ANKRD24: variants seen among roughly 807,000 people sequenced by gnomAD.
ANKRD24 encodes the protein ankyrin repeat domain 24, also known as ankyrin repeat domain-containing protein 24.
Under a neutral mutation model 127.8 loss-of-function variants are expected in ANKRD24, and 109 were observed. The ratio of observed to expected loss-of-function variants is 0.85; its 90% CI spans 0.73 to 1.00. ANKRD24 has a LOEUF of 1.00. Among genes scored for constraint, ANKRD24 ranks in the 50% least tolerant of loss-of-function variants. ANKRD24 has a pLI of 0.00. For missense variants in ANKRD24, 1,648 were observed against 1,570.2 expected (o/e 1.05, Z -0.84); for synonymous variants, 743 against 671.1 (o/e 1.11, Z -1.66).
intron 20 of ANKRD24, 63 bp from the exon 21 acceptor site, chr19:4,224,064 G>T: frequency 1.4e-6 from 2 of 1,409,516 alleles, no homozygotes; most frequent in Non-Finnish European, 9.8e-7. Flanking sequence ...GTGCTTTTTG[G>T]TGTGTTTTGC....
chr19:4,206,015 G>A (rs1384950636), intron 7 of ANKRD24, among the ~76,000 whole-genome samples: 36 of 151,574 alleles, frequency 2.4e-4, no homozygotes, highest in Admixed American at 6.6e-5. Flanking sequence ...GGTGGCGGGC[G>A]CCTGTAGTCC....
At chr19:4,215,272 G>A (rs956550413) in intron 15 of ANKRD24, among the ~76,000 whole-genome samples, 4 of 152,078 alleles carry the variant, frequency 2.6e-5, no homozygotes, top group Non-Finnish European at 5.9e-5. Context: ...GATCACCTGA[G>A]GTCAGGAGTC....
At chr19:4,204,805 G>A (rs1166683013) in intron 7 of ANKRD24, among the ~76,000 whole-genome samples, 1 of 152,176 alleles carries the variant, frequency 6.6e-6, no homozygotes, top group Non-Finnish European at 1.5e-5. Flanking sequence ...AATGCTTCTG[G>A]TCACAATATA....
At chr19:4,220,967 G>A (rs1970409590) in intron 19 of ANKRD24, among the ~76,000 whole-genome samples, 1 of 151,470 alleles carries the variant, frequency 6.6e-6, no homozygotes, top group Non-Finnish European at 1.5e-5. Flanking sequence ...TGCAATCTCA[G>A]ATCATTGCAG....
chr19:4,195,626 A>G lies in ANKRD24; in HGVS notation c.37-4057A>G, dbSNP rs1228877479. 6.6e-6 allele frequency among the ~76,000 whole-genome samples: 1 copy of G among 152,094 alleles called. No individual in the cohort carries two copies. Among genetic ancestry groups the G allele is most frequent in the Non-Finnish European group, 1.5e-5 (1 of 68,022 alleles). ...AAACATGTCTAAGAGGGCCGGGCGC[A>G]GTGGCTCACGCCTGTAATCCCAACA... On this transcript the variant is annotated intron_variant, in intron 2 of 21. Coordinates refer to ENST00000318934, the MANE Select transcript of ANKRD24 (RefSeq NM_001393985.1). This position sits in a 1 kb window ranked among gnomAD's most constrained non-coding sequence, Gnocchi z 4.2.
In ANKRD24 at chr19:4,199,959, C is replaced by T. The variant is rs1268839229; in HGVS notation, c.208C>T (p.Arg70Cys). ...DAPRVAALIA[R>C]KGLVPTKLDP... is the part of the protein sequence containing the mutation. ...ACCTCGGGTGGCCGCCCTCATCGCC[C>T]GCAAGGGGCTGGTGCCCACGAAGCT... The change falls in exon 4 of 22, where the codon CGC becomes TGC. Residue 70 changes from arginine to cysteine, a missense_variant. Transcript: ENST00000318934. This position sits in a 1 kb window ranked among gnomAD's most constrained non-coding sequence, Gnocchi z 5.2. 8.9e-6 allele frequency: 14 copies of T among 1,564,636 alleles called. No individual in the cohort carries two copies. The highest frequency in any genetic ancestry group is 1.4e-5 in the African/African-American group (1 of 73,776).
At chr19:4,184,272 T>C (rs777907707) in intron 1 of ANKRD24, among the ~76,000 whole-genome samples, 4 of 152,112 alleles carry the variant, frequency 2.6e-5, no homozygotes, top group Non-Finnish European at 4.4e-5. Context: ...CAGTGGGCAC[T>C]GTGGCCGGGA....
At chr19:4,188,290 C>T (rs547962963) in intron 2 of ANKRD24, among the ~76,000 whole-genome samples, 17 of 151,762 alleles carry the variant, frequency 1.1e-4, no homozygotes, top group Admixed American at 2.6e-4. Flanking sequence ...TTGGCCAGGC[C>T]GGTCTTGAAC....
intron 2 of ANKRD24, among the ~76,000 whole-genome samples, chr19:4,188,774 CT>C (rs945689502): frequency 5.9e-5 from 9 of 151,958 alleles, no homozygotes; most frequent in African/African-American, 1.9e-4. Flanking sequence ...CCCTCTGTGG[CT>C]TCCTTCAGTT....
At chr19:4,200,264 T>C in intron 5 of ANKRD24, 93 bp downstream of exon 5, 1 of 1,258,740 alleles carries the variant, frequency 7.9e-7, no homozygotes, top group East Asian at 2.6e-5. Context: ...GGTCTCAATG[T>C]TCCCCGCTGA....
intron 7 of ANKRD24, among the ~76,000 whole-genome samples, chr19:4,203,226 T>C (rs2145301181): frequency 6.6e-6 from 1 of 152,164 alleles, no homozygotes; most frequent in East Asian, 1.9e-4. Context: ...GTTTTGTATT[T>C]TTAGTAAAGA....
rs1353209543 is a variant in ANKRD24, at chr19:4,199,580, G to A, written c.37-103G>A. The A allele has an allele frequency of 2.8e-6, 4 of 1,439,792 alleles. No homozygotes were observed. In the East Asian group the frequency reaches 1.0e-4, roughly 36 times the overall value. The allele number at this position is 1,439,792 out of a possible 1,614,324, so 89.2% of individuals were successfully genotyped here. On this transcript the variant is annotated intron_variant, in intron 2 of 21. Coordinates refer to ENST00000318934, the MANE Select transcript of ANKRD24 (RefSeq NM_001393985.1). This position sits in a 1 kb window ranked among gnomAD's most constrained non-coding sequence, Gnocchi z 5.2. ...GGGATGATGCTGGTGGTGGGCTTTT[G>A]TTGGACAACTGGGGTGATGGGCCTG...
At chr19:4,183,210 C>A (rs1028337477) in intron 1 of ANKRD24, 1 of 657,144 alleles carries the variant, frequency 1.5e-6, no homozygotes, top group Non-Finnish European at 1.9e-6. Context: ...GAACTCCTGA[C>A]CTCAGGTGAT....
At chr19:4,222,895 C>T in intron 20 of ANKRD24, 100 bp downstream of exon 20, 1 of 1,348,460 alleles carries the variant, frequency 7.4e-7, no homozygotes, top group South Asian at 1.9e-5. Context: ...AGGAGAGGGG[C>T]TGGGGTAGGC....
At chr19:4,187,752 T>G (rs558629351) in intron 2 of ANKRD24, among the ~76,000 whole-genome samples, 1 of 152,330 alleles carries the variant, frequency 6.6e-6, no homozygotes, top group Admixed American at 6.5e-5. Context: ...CCTTTAGTTT[T>G]CGTATCATGG....
In ANKRD24 at chr19:4,198,027, C is replaced by T. The variant is rs531226587; in HGVS notation, c.37-1656C>T. On this transcript the variant is annotated intron_variant, in intron 2 of 21. Transcript: ENST00000318934. The surrounding 1 kb of genome is among the most constrained non-coding windows in gnomAD (Gnocchi z 6.1). ...TGAATGAAAGTGTGAGTGGCGAGAG[C>T]CCTGCCGGCCGCGTGGAGGTGCGAG... The T allele has an allele frequency of 7.3e-6, 3 of 409,640 alleles. No individual in the cohort carries two copies. The highest frequency in any genetic ancestry group is 8.8e-5 in the Admixed American group (2 of 22,700). The allele number at this position is 409,640 out of a possible 1,614,324, so 25.4% of individuals were successfully genotyped here. A position where few individuals can be genotyped will look rare whatever the true frequency, so the allele number is the denominator to read the frequency against.
At chr19:4,221,221 C>T (rs13344045) in intron 19 of ANKRD24, among the ~76,000 whole-genome samples, 12,869 of 151,912 alleles carry the variant, frequency 0.085, 1,349 homozygotes, top group African/African-American at 0.25. Context: ...GGACTGCAGG[C>T]GAGTGCCACC....
At chr19:4,200,041 G>C in intron 4 of ANKRD24, 36 bp downstream of exon 4, 1 of 1,568,438 alleles carries the variant, frequency 6.4e-7, no homozygotes. Flanking sequence ...GATGGCTGAG[G>C]GGTGGCAACC....
Position 4,224,180 on chromosome 19 carries a change from A to G in ANKRD24, c.3351A>G (p.Leu1117=), listed in dbSNP as rs780745839. Residue 1117 remains leucine, a synonymous_variant, in exon 21 of 22, where the codon CTA becomes CTG. Coordinates refer to ENST00000318934, the MANE Select transcript of ANKRD24 (RefSeq NM_001393985.1). ...TGGCTTTGTACAGAAGCCACCTCCT[A>G]TATGCCATTCAGGTGAGTGGCCCAG... ...SVVALYRSHL[L]YAIQGQMDED... 3 of 1,611,584 alleles carry G rather than the reference A, an allele frequency of 1.9e-6. No individual in the cohort carries two copies. Among genetic ancestry groups the G allele is most frequent in the South Asian group, 2.2e-5 (2 of 90,654 alleles).
Sources: allele counts gnomAD v4.1 joint callset (sites outside exome capture counted in the v4.1 genomes callset), GRCh38; gene constraint gnomAD v4.1.1; non-coding constraint Gnocchi (gnomAD v3.1); transcripts MANE v1.5; gene names NCBI Gene and HGNC (gene_info 2026-07-23, HGNC 2026-07-21).